The following ITGAV variants were observed in gnomAD, a reference collection of about 807,000 sequenced individuals.
ITGAV encodes integrin alpha-V.
Under a neutral mutation model 143.8 loss-of-function variants are expected in ITGAV, and 76 were observed. The observed-to-expected ratio is 0.53, with a 90% CI of 0.44 to 0.64. ITGAV has a LOEUF of 0.64. ITGAV is among the 30% of genes least tolerant of loss of function. The pLI, the probability that ITGAV is intolerant of heterozygous loss-of-function variation, is 0.00. For synonymous variants in ITGAV, 453 were observed against 446.7 expected, an observed-to-expected ratio of 1.01 and a Z score of -0.18; for missense variants, 1,193 against 1,274.7, an observed-to-expected ratio of 0.94 and a Z score of 0.98.
chr2:186,622,522 C>A (rs1370755479), intron 3 of ITGAV, 92 bp downstream of exon 3: 2 of 843,638 alleles, frequency 2.4e-6, no homozygotes, highest in Non-Finnish European at 4.0e-6. Flanking sequence ...TAGTAAAATT[C>A]AGTATGCTCA....
At chr2:186,648,972 G>GTGTGTA (rs1170959443) in intron 13 of ITGAV, among the ~76,000 whole-genome samples, 71 of 119,436 alleles carry the variant, frequency 5.9e-4, no homozygotes, top group African/African-American at 2.2e-3. Context: ...ATATACATTT[G>GTGTGTA]TATATATATA....
At chr2:186,596,453 T>C (rs1274735306) in intron 1 of ITGAV, among the ~76,000 whole-genome samples, 1 of 137,882 alleles carries the variant, frequency 7.3e-6, no homozygotes, top group Non-Finnish European at 1.6e-5. Context: ...TATGTGTTGC[T>C]TTTTTTTTTT....
At chr2:186,655,144 T>G (rs1206453565) in intron 16 of ITGAV, among the ~76,000 whole-genome samples, 1 of 152,226 alleles carries the variant, frequency 6.6e-6, no homozygotes, top group African/African-American at 2.4e-5. Flanking sequence ...TCATGCAATT[T>G]AATTCACACA....
At chr2:186,600,273 C>G in intron 1 of ITGAV, 1 of 1,469,006 alleles carries the variant, frequency 6.8e-7, no homozygotes, top group Non-Finnish European at 9.3e-7. Context: ...CATATTCCCT[C>G]CATCTCTTCA....
chr2:186,614,500 G>A (rs1687298551), intron 2 of ITGAV, among the ~76,000 whole-genome samples: 1 of 152,078 alleles, frequency 6.6e-6, no homozygotes, highest in African/African-American at 2.4e-5. Context: ...ATACATATTT[G>A]CCAAATAGGA....
At chr2:186,659,367 C>G (rs1688679221) in intron 18 of ITGAV, among the ~76,000 whole-genome samples, 192 bp downstream of exon 18, 1 of 150,934 alleles carries the variant, frequency 6.6e-6, no homozygotes, top group African/African-American at 2.4e-5. Context: ...ATTTTCAAGT[C>G]AGAGATATTT....
chr2:186,655,468 C>T (rs1038299503), intron 16 of ITGAV, among the ~76,000 whole-genome samples: 4 of 152,056 alleles, frequency 2.6e-5, no homozygotes, highest in Non-Finnish European at 5.9e-5. Flanking sequence ...AGGCCTGAAG[C>T]GGAAAATGTG....
At chr2:186,616,480 G>C (rs968207385) in intron 2 of ITGAV, among the ~76,000 whole-genome samples, 2 of 151,394 alleles carry the variant, frequency 1.3e-5, no homozygotes, top group East Asian at 3.9e-4. Context: ...GGGTTTCACC[G>C]TGTTAGCCAG....
intron 2 of ITGAV, among the ~76,000 whole-genome samples, chr2:186,615,805 T>TA (rs1405447238): frequency 6.6e-6 from 1 of 152,206 alleles, no homozygotes; most frequent in African/African-American, 2.4e-5. Context: ...CAAAAGTTTT[T>TA]AATTTTAATT....
In ITGAV at chr2:186,675,847, C is replaced by G; in HGVS notation, c.2848C>G (p.Leu950Val). ...NKENQNHSYS[L>V]KSSASFNVIE... Reference sequence around the variant, plus strand: ...AGAAAATCAGAATCATTCCTATTCTCTGAAGTCGTCTGCTTCATTTAATGT... The same window carrying G: ...AGAAAATCAGAATCATTCCTATTCTGTGAAGTCGTCTGCTTCATTTAATGT... Residue 950 changes from leucine to valine, a missense_variant, in exon 28 of 30, where the codon CTG becomes GTG. Coordinates refer to ENST00000261023, the MANE Select transcript of ITGAV (RefSeq NM_002210.5). The G allele has an allele frequency of 6.2e-7, 1 of 1,606,988 alleles. No homozygotes were observed. Among genetic ancestry groups the G allele is most frequent in the East Asian group, 2.2e-5 (1 of 44,824 alleles).
At position 186,654,648 on chromosome 2, in the gene ITGAV, A is replaced by C; in HGVS notation, c.1506-2A>C. ...TTATGTATGTTTTTTATTTTTCCAC[A>C]GTTTTAATGTTAGGTTCTGCTTAAA... On this transcript the variant is annotated splice_acceptor_variant, in intron 15 of 29. Coordinates refer to ENST00000261023, the MANE Select transcript of ITGAV (RefSeq NM_002210.5). LOFTEE classifies it high-confidence loss of function. 6.7e-7 allele frequency: 1 copy of C among 1,485,234 alleles called. No homozygotes were observed. Among genetic ancestry groups the C allele is most frequent in the South Asian group, 1.2e-5 (1 of 83,220 alleles). The allele number at this position is 1,485,234 out of a possible 1,614,324, so 92.0% of individuals were successfully genotyped here. A position where few individuals can be genotyped will look rare whatever the true frequency, so the allele number is the denominator to read the frequency against.
At chr2:186,643,471 C>T (rs1839121) in intron 12 of ITGAV, among the ~76,000 whole-genome samples, 112,610 of 152,082 alleles carry the variant, frequency 0.74, 41,862 homozygotes, top group East Asian at 0.85. Flanking sequence ...TACATATGTG[C>T]AAATATAGTT....
chr2:186,606,607 C>T (rs1437305259), intron 2 of ITGAV, among the ~76,000 whole-genome samples: 1 of 152,140 alleles, frequency 6.6e-6, no homozygotes, highest in African/African-American at 2.4e-5. Context: ...CTCCCTTTTC[C>T]TTTCTTCCCC....
intron 22 of ITGAV, 23 bp downstream of exon 22, chr2:186,666,806 C>T: frequency 8.3e-7 from 1 of 1,207,240 alleles, no homozygotes; most frequent in Non-Finnish European, 1.2e-6. Flanking sequence ...CTTATATTCA[C>T]TTATAACTAT....
intron 2 of ITGAV, among the ~76,000 whole-genome samples, chr2:186,610,842 C>G (rs553265281): frequency 6.6e-6 from 1 of 152,088 alleles, no homozygotes; most frequent in East Asian, 1.9e-4. Flanking sequence ...TAATAGATTG[C>G]GATGCAAAAC....
chr2:186,604,894 G>A (rs1404759351), intron 2 of ITGAV, among the ~76,000 whole-genome samples: 1 of 152,146 alleles, frequency 6.6e-6, no homozygotes, highest in Non-Finnish European at 1.5e-5. Flanking sequence ...GTTTGACATT[G>A]AATCTGTCAG....
chr2:186,595,532 T>C (rs1574456539), intron 1 of ITGAV, among the ~76,000 whole-genome samples: 1 of 152,120 alleles, frequency 6.6e-6, no homozygotes, highest in East Asian at 1.9e-4. Context: ...GTCCTTCCTC[T>C]CTTTTTCCTT....
chr2:186,677,176 T>C (rs199901769), intron 29 of ITGAV, 21 bp from the exon 30 acceptor site: 5 of 1,603,106 alleles, frequency 3.1e-6, no homozygotes, highest in Non-Finnish European at 4.3e-6. Flanking sequence ...ACAGTAATAA[T>C]GGTTTTTCTT....
chr2:186,655,131 T>C (rs1439228245), intron 16 of ITGAV, among the ~76,000 whole-genome samples: 2 of 152,194 alleles, frequency 1.3e-5, no homozygotes, highest in African/African-American at 2.4e-5. Flanking sequence ...GAAAAAGTTT[T>C]GGTCATGCAA....
Sources: allele counts gnomAD v4.1 joint callset (sites outside exome capture counted in the v4.1 genomes callset), GRCh38; gene constraint gnomAD v4.1.1; transcripts MANE v1.5; gene names NCBI Gene and HGNC (gene_info 2026-07-23, HGNC 2026-07-21).